ATP2C1: variants seen among roughly 807,000 people sequenced by gnomAD.
ATP2C1 encodes ATPase secretory pathway Ca2+ transporting 1.
ATP2C1 carries 31 observed loss-of-function variants against 120.5 expected under a neutral mutation model. The ratio of observed to expected loss-of-function variants is 0.26; its 90% CI spans 0.19 to 0.35. ATP2C1 has a LOEUF of 0.35. ATP2C1 is among the 10% of genes least tolerant of loss of function. ATP2C1 has a pLI of 1.00. For missense variants in ATP2C1, 731 were observed against 1,107.5 expected (o/e 0.66, Z 4.83); for synonymous variants, 351 against 358.7 (o/e 0.98, Z 0.24).
chr3:130,963,872 A>T, intron 12 of ATP2C1, 99 bp from the exon 13 acceptor site: 1 of 1,449,960 alleles, frequency 6.9e-7, no homozygotes, highest in Non-Finnish European at 9.6e-7. Context: ...TGACTATATT[A>T]ATTTTGCGTT....
intron 13 of ATP2C1, 129 bp from the exon 14 acceptor site, chr3:130,964,819 T>C: frequency 1.5e-6 from 1 of 646,034 alleles, no homozygotes; most frequent in Non-Finnish European, 2.7e-6. Context: ...TAATCTAAAA[T>C]TAACAATGAG....
chr3:130,937,230 C>T (rs1341560270), intron 5 of ATP2C1, among the ~76,000 whole-genome samples, 198 bp from the exon 6 acceptor site: 1 of 152,144 alleles, frequency 6.6e-6, no homozygotes, highest in African/African-American at 2.4e-5. Flanking sequence ...GAGAAGCTGC[C>T]CTGGTAATGG....
At position 131,014,772 on chromosome 3, in the gene ATP2C1, G is replaced by T. The variant is rs41449644; in HGVS notation, c.2630-1380G>T. On this transcript the variant is annotated intron_variant, in intron 26 of 26. Transcript: ENST00000328560. ...AAAATTTATTGGCATCATTTGCAAG[G>T]TCATTCACTGAGACTAAAAACCTAC... Among the ~76,000 whole-genome samples, 1,138 of 152,278 alleles carry T rather than the reference G, an allele frequency of 7.5e-3. 18 individuals carry two copies. Among genetic ancestry groups the T allele is most frequent in the African/African-American group, 0.026 (1,081 of 41,552 alleles).
intron 20 of ATP2C1, among the ~76,000 whole-genome samples, chr3:130,985,876 T>C (rs906615083): frequency 6.6e-6 from 1 of 152,172 alleles, no homozygotes; most frequent in African/African-American, 2.4e-5. Context: ...TATGTTCATA[T>C]TCATTTTCTA....
At chr3:130,918,120 C>T in intron 2 of ATP2C1, 2 of 731,744 alleles carry the variant, frequency 2.7e-6, no homozygotes, top group South Asian at 3.2e-5. Flanking sequence ...ATATATAGTA[C>T]TTAATGCTGG....
chr3:130,902,297 GTTTTTTTTTTTTT>G (rs398052267), intron 2 of ATP2C1, among the ~76,000 whole-genome samples: 3 of 13,254 alleles, frequency 2.3e-4, no homozygotes, highest in East Asian at 2.1e-3. Context: ...TTTTTTTTTT[GTTTTTTTTTTTTT>G]TTTTTTTTTT....
chr3:130,872,872 T>G (rs1708291), intron 1 of ATP2C1, among the ~76,000 whole-genome samples: 1 of 152,052 alleles, frequency 6.6e-6, no homozygotes, highest in South Asian at 2.1e-4. Flanking sequence ...TGTGAGCCAC[T>G]GCGCCCAGCT....
Position 131,001,668 on chromosome 3 carries a change from C to A in ATP2C1, c.*318C>A. ...TTAAAGAAGTCTAACAGTACAAATA[C>A]ACTATCTATCTTAGATAGATATATT... On this transcript the variant is annotated 3_prime_UTR_variant, in exon 28 of 28. Coordinates refer to ENST00000510168, the MANE Select transcript of ATP2C1 (RefSeq NM_001378687.1). 9.6e-7 allele frequency: 1 copy of A among 1,038,924 alleles called. No homozygotes were observed. Among genetic ancestry groups the A allele is most frequent in the Non-Finnish European group, 1.2e-6 (1 of 859,888 alleles). The allele number at this position is 1,038,924 out of a possible 1,614,324, so 64.4% of individuals were successfully genotyped here.
rs868469528 is a variant in ATP2C1, at chr3:130,934,723, A to G, written c.324+12A>G. ...TCAGTATCACTGTGGTAAGAAAAAA[A>G]TTACATATTTTTAATCTGTTGAGTA... On this transcript the variant is annotated intron_variant, in intron 5 of 27. Coordinates refer to ENST00000510168, the MANE Select transcript of ATP2C1 (RefSeq NM_001378687.1). 1.3e-5 allele frequency: 21 copies of G among 1,560,512 alleles called. No individual in the cohort carries two copies. Among genetic ancestry groups the G allele is most frequent in the Middle Eastern group, 1.8e-4 (1 of 5,670 alleles).
At chr3:130,967,697 A>C (rs1271752917) in intron 16 of ATP2C1, among the ~76,000 whole-genome samples, 3 of 152,152 alleles carry the variant, frequency 2.0e-5, no homozygotes, top group Non-Finnish European at 4.4e-5. Flanking sequence ...CAATGTTGAG[A>C]TCTACATGTG....
At chr3:130,913,675 A>G (rs1332765954) in intron 2 of ATP2C1, among the ~76,000 whole-genome samples, 1 of 152,122 alleles carries the variant, frequency 6.6e-6, no homozygotes, top group African/African-American at 2.4e-5. Flanking sequence ...CTTTGCACTA[A>G]GTTTGCTTTT....
chr3:130,958,017 A>T (rs1342318982), intron 11 of ATP2C1, among the ~76,000 whole-genome samples: 1 of 152,034 alleles, frequency 6.6e-6, no homozygotes, highest in East Asian at 1.9e-4. Context: ...ATTATTGCTC[A>T]TTTTCTAGAA....
chr3:130,959,036 T>C (rs1337423567), intron 11 of ATP2C1, among the ~76,000 whole-genome samples: 2 of 152,184 alleles, frequency 1.3e-5, no homozygotes, highest in Non-Finnish European at 2.9e-5. Flanking sequence ...ACTGTGTGTG[T>C]GTGTGCATGT....
In ATP2C1 at chr3:130,992,941, AT is replaced by A. The variant is rs745666622; in HGVS notation, c.1840-6del. On this transcript the variant is annotated splice_polypyrimidine_tract_variant and intron_variant, in intron 20 of 27. Transcript: ENST00000510168. ...ATTGAAGATTTTTAGTGTATCTTGT[AT>A]TTTAACAGGTTGCAGTATTTTACAG... 1.2e-6 allele frequency: 2 copies of A among 1,608,012 alleles called. No individual in the cohort carries two copies. The highest frequency in any genetic ancestry group is 1.7e-5 in the Admixed American group (1 of 59,996).
In ATP2C1 at chr3:130,903,442, G is replaced by T. The variant is rs146687680; in HGVS notation, c.6+8667G>T. ...TACCTGTAGTTATTTAGGTCTGGAA[G>T]CACAGGGTGTTAAGAATGCCACCAT... On this transcript the variant is annotated intron_variant, in intron 2 of 27. Transcript: ENST00000510168. Among the ~76,000 whole-genome samples the T allele has an allele frequency of 4.1e-4, 62 of 152,082 alleles. 2 individuals carry two copies. In the East Asian group the frequency reaches 0.012, roughly 29 times the overall value.
At chr3:130,989,096 CA>C (rs2062168487) in intron 20 of ATP2C1, among the ~76,000 whole-genome samples, 3 of 151,560 alleles carry the variant, frequency 2.0e-5, no homozygotes, top group African/African-American at 4.8e-5. Context: ...ACTAAAAATA[CA>C]AAAAGTAGCT....
Position 130,932,156 on chromosome 3 carries a change from C to A in ATP2C1, c.234+18C>A. 7.2e-7 allele frequency: 1 copy of A among 1,394,188 alleles called. No individual in the cohort carries two copies. The highest frequency in any genetic ancestry group is 1.0e-6 in the Non-Finnish European group (1 of 979,926). 86.4% of individuals were successfully genotyped at this position (1,394,188 alleles called of 1,614,324 possible). On this transcript the variant is annotated intron_variant, in intron 4 of 27. Transcript: ENST00000510168. ...TTTCTCAGGTGAGATACTTTTACTTCCTCTTCTACTGTGTAATTTATTAAT... is the reference window on the plus strand; with the variant it reads ...TTTCTCAGGTGAGATACTTTTACTTACTCTTCTACTGTGTAATTTATTAAT...
At chr3:130,896,772 T>C (rs1247843615) in intron 2 of ATP2C1, among the ~76,000 whole-genome samples, 1 of 152,172 alleles carries the variant, frequency 6.6e-6, no homozygotes, top group Non-Finnish European at 1.5e-5. Flanking sequence ...TAAATTGGGA[T>C]TGATAATCTT....
Position 130,980,509 on chromosome 3 carries a change from T to A in ATP2C1, c.1742-73T>A, listed in dbSNP as rs927685238. ...AGAACAGATAACAAATCATACTAAATGAGCATTACGTTGACTAGCCTGTCA... is the reference window on the plus strand; with the variant it reads ...AGAACAGATAACAAATCATACTAAAAGAGCATTACGTTGACTAGCCTGTCA... On this transcript the variant is annotated intron_variant, in intron 19 of 27. Coordinates refer to ENST00000510168, the MANE Select transcript of ATP2C1 (RefSeq NM_001378687.1). The A allele has an allele frequency of 8.0e-6, 8 of 1,004,458 alleles. No individual in the cohort carries two copies. In the East Asian group the frequency reaches 1.7e-4, roughly 21 times the overall value. 62.2% of individuals were successfully genotyped at this position (1,004,458 alleles called of 1,614,324 possible).
Sources: allele counts gnomAD v4.1 joint callset (sites outside exome capture counted in the v4.1 genomes callset), GRCh38; gene constraint gnomAD v4.1.1; transcripts MANE v1.5; gene names NCBI Gene and HGNC (gene_info 2026-07-23, HGNC 2026-07-21).